The following FARS2 variants were observed in gnomAD, a reference collection of about 807,000 sequenced individuals.
FARS2 encodes the protein phenylalanyl-tRNA synthetase 2, mitochondrial.
In FARS2, 40 loss-of-function variants were observed where a neutral mutation model predicts 46.4. That is an observed-to-expected ratio of 0.86 (90% CI 0.67 to 1.12). The LOEUF (loss-of-function observed/expected upper bound fraction) is 1.12, where lower values mean the gene tolerates loss of function less well. Among genes scored for constraint, FARS2 ranks in the 50% most tolerant of loss-of-function variants. The pLI, the probability that FARS2 is intolerant of heterozygous loss-of-function variation, is 0.00. For missense variants in FARS2, 513 were observed against 567.9 expected, an observed-to-expected ratio of 0.90 and a Z score of 0.98; for synonymous variants, 234 against 214.9, an observed-to-expected ratio of 1.09 and a Z score of -0.78.
chr6:5,649,898 A>G (rs1220632801), intron 6 of FARS2, among the ~76,000 whole-genome samples: 3 of 152,200 alleles, frequency 2.0e-5, no homozygotes, highest in African/African-American at 7.2e-5. Context: ...GCCTAAAAAT[A>G]TCCTTCTCAT....
chr6:5,344,894 A>G (rs1268938458), intron 1 of FARS2, among the ~76,000 whole-genome samples: 3 of 151,726 alleles, frequency 2.0e-5, no homozygotes, highest in Admixed American at 1.3e-4. Context: ...GGTTCAAACA[A>G]TTCTCCTGCC....
chr6:5,254,902 G>C, the FARS2 span, among the ~76,000 whole-genome samples: 8 of 152,056 alleles, frequency 5.3e-5, no homozygotes, highest in South Asian at 1.2e-3. Flanking sequence ...GGAGGTGGAG[G>C]GGGTATCTCT....
intron 6 of FARS2, among the ~76,000 whole-genome samples, chr6:5,715,778 T>C (rs1759455880): frequency 6.6e-6 from 1 of 152,208 alleles, no homozygotes. Flanking sequence ...CTATGAACAT[T>C]TATATGTGTT....
At chr6:5,418,660 C>T (rs1374977518) in intron 3 of FARS2, among the ~76,000 whole-genome samples, 2 of 152,184 alleles carry the variant, frequency 1.3e-5, no homozygotes, top group African/African-American at 2.4e-5. Flanking sequence ...CTGCAGATCT[C>T]CAGAGTTCTT....
intron 6 of FARS2, among the ~76,000 whole-genome samples, chr6:5,655,960 T>C (rs1777587048): frequency 6.6e-6 from 1 of 152,254 alleles, no homozygotes; most frequent in Non-Finnish European, 1.5e-5. Flanking sequence ...CTCTCAGTTC[T>C]TTAAAACAGT....
At chr6:5,702,673 A>T (rs1214385575) in intron 6 of FARS2, among the ~76,000 whole-genome samples, 2 of 152,214 alleles carry the variant, frequency 1.3e-5, no homozygotes, top group Non-Finnish European at 2.9e-5. Context: ...TTTATTTTGT[A>T]AAAACACTCA....
At chr6:5,647,241 G>A (rs955439231) in intron 6 of FARS2, among the ~76,000 whole-genome samples, 3 of 151,994 alleles carry the variant, frequency 2.0e-5, no homozygotes, top group Non-Finnish European at 2.9e-5. Context: ...CCACCTTCCC[G>A]CCTCTCTTCC....
At chr6:5,425,838 C>T (rs2127758790) in intron 3 of FARS2, among the ~76,000 whole-genome samples, 1 of 152,246 alleles carries the variant, frequency 6.6e-6, no homozygotes, top group East Asian at 1.9e-4. Context: ...TCCAGATCTC[C>T]AAAGAGGATT....
chr6:5,476,679 T>A (rs1299103973), intron 4 of FARS2, among the ~76,000 whole-genome samples: 1 of 152,152 alleles, frequency 6.6e-6, no homozygotes, highest in African/African-American at 2.4e-5. Context: ...GCCGTTGCCA[T>A]GCCGAGGAGT....
At chr6:5,449,749 C>T (rs1232840263) in intron 4 of FARS2, among the ~76,000 whole-genome samples, 12 of 152,224 alleles carry the variant, frequency 7.9e-5, no homozygotes, top group Admixed American at 3.9e-4. Context: ...ATTCGTAATC[C>T]GAAAACTCGA....
intron 6 of FARS2, among the ~76,000 whole-genome samples, chr6:5,660,645 T>C (rs1777806515): frequency 7.8e-6 from 1 of 128,506 alleles, no homozygotes; most frequent in Non-Finnish European, 1.6e-5. Context: ...TGAGACCCTG[T>C]CTCAGAAAAA....
At chr6:5,485,649 C>G (rs1766730906) in intron 4 of FARS2, among the ~76,000 whole-genome samples, 1 of 152,118 alleles carries the variant, frequency 6.6e-6, no homozygotes, top group Non-Finnish European at 1.5e-5. Context: ...GTATCTTTGT[C>G]TTTTTTTAGA....
chr6:5,431,658 C>G (rs1454167874), intron 4 of FARS2: 2 of 533,088 alleles, frequency 3.8e-6, no homozygotes, highest in Non-Finnish European at 7.7e-6. Context: ...CCATCACCTC[C>G]CTCTGCATAG....
At chr6:5,663,164 G>C (rs1348968482) in intron 6 of FARS2, among the ~76,000 whole-genome samples, 1 of 152,110 alleles carries the variant, frequency 6.6e-6, no homozygotes, top group East Asian at 1.9e-4. Flanking sequence ...TATAGCAGGT[G>C]AATGTTTACA....
intron 6 of FARS2, among the ~76,000 whole-genome samples, chr6:5,628,697 T>A (rs1352680917): frequency 6.6e-6 from 1 of 152,202 alleles, no homozygotes; most frequent in Non-Finnish European, 1.5e-5. Flanking sequence ...TGAACAGAGA[T>A]GAGAGATGGA....
At chr6:5,443,020 G>C (rs984927895) in intron 4 of FARS2, among the ~76,000 whole-genome samples, 1 of 152,214 alleles carries the variant, frequency 6.6e-6, no homozygotes, top group African/African-American at 2.4e-5. Flanking sequence ...CATCTGGAAA[G>C]CCGAGATTCT....
At chr6:5,264,687 G>T (rs1398695861) in intron 1 of FARS2, among the ~76,000 whole-genome samples, 1 of 151,900 alleles carries the variant, frequency 6.6e-6, no homozygotes, top group Non-Finnish European at 1.5e-5. Context: ...GATTACAGGC[G>T]TGAGCCACCG....
intron 2 of FARS2, among the ~76,000 whole-genome samples, chr6:5,381,009 TATTTATTA>T (rs201756752): frequency 0.017 from 2,136 of 126,190 alleles, 45 homozygotes; most frequent in African/African-American, 0.046. Flanking sequence ...TTTATTTATT[TATTTATTA>T]TGAGACAGAG....
intron 6 of FARS2, among the ~76,000 whole-genome samples, chr6:5,654,894 C>T (rs953153230): frequency 6.6e-6 from 1 of 152,144 alleles, no homozygotes; most frequent in Non-Finnish European, 1.5e-5. Context: ...AGGATGAAGA[C>T]CTTTATGATA....
Sources: gnomAD v4.1 joint callset for allele counts (sites outside exome capture counted in the v4.1 genomes callset) on GRCh38, gnomAD v4.1.1 for gene constraint, MANE v1.5 for transcripts, NCBI Gene and HGNC (gene_info 2026-07-23, HGNC 2026-07-21) for gene names.